PALB2: variants seen among roughly 807,000 people sequenced by gnomAD.
The protein encoded by PALB2 is partner and localizer of BRCA2.
In PALB2, 82 loss-of-function variants were observed where a neutral mutation model predicts 107.4. That is an observed-to-expected ratio of 0.76 (90% CI 0.64 to 0.92). PALB2 has a LOEUF of 0.92. Among genes scored for constraint, PALB2 ranks in the 40% least tolerant of loss-of-function variants. PALB2 has a pLI of 0.00. For synonymous variants in PALB2, 489 were observed against 496.8 expected, an observed-to-expected ratio of 0.98 and a Z score of 0.21; for missense variants, 1,374 against 1,379.9, an observed-to-expected ratio of 1.00 and a Z score of 0.07.
intron 11 of PALB2, among the ~76,000 whole-genome samples, chr16:23,613,395 G>A (rs932031646): frequency 6.6e-6 from 1 of 152,098 alleles, no homozygotes; most frequent in African/African-American, 2.4e-5. Context: ...TGTAATACCA[G>A]CACTTTGGGA....
rs763645981 is a variant in PALB2 at position 23,624,093 on chromosome 16, A to G, written c.2750T>C (p.Val917Ala). Residue 917 changes from valine to alanine, a missense_variant and splice_region_variant, in exon 8 of 13, where the codon GTT becomes GCT. Physicochemically the swap from Val to Ala is moderately conservative, Grantham distance 64. Coordinates refer to ENST00000261584, the MANE Select transcript of PALB2 (RefSeq NM_024675.4). ...EKLYTWHFAE[V>A]PVLQIVPVPD... Reference sequence around the variant, plus strand: ...CACTGGAACTATCTGTAATACTGGAACCTAAATAAAACAAAGCAGCCAAAA... The same window carrying G: ...CACTGGAACTATCTGTAATACTGGAGCCTAAATAAAACAAAGCAGCCAAAA... 1.5e-5 allele frequency: 24 copies of G among 1,601,978 alleles called. No homozygotes were observed. Among genetic ancestry groups the G allele is most frequent in the Non-Finnish European group, 1.9e-5 (22 of 1,169,432 alleles).
intron 11 of PALB2, among the ~76,000 whole-genome samples, chr16:23,609,833 G>T (rs979601783): frequency 6.6e-6 from 1 of 151,898 alleles, no homozygotes; most frequent in African/African-American, 2.4e-5. Flanking sequence ...ACTTTTTTTG[G>T]GGGGATAGGG....
rs587781319 is a variant in PALB2, at chr16:23,635,356, G to A, written c.1190C>T (p.Thr397Ile). Reference sequence around the variant, plus strand: ...AGGAAACAGAAGGCCTTCAGGCACTGTGCAAGAATGTTTTTCTGCAGAAAG... The same window carrying A: ...AGGAAACAGAAGGCCTTCAGGCACTATGCAAGAATGTTTTTCTGCAGAAAG... The part of the protein sequence containing the change: ...SPLSAEKHSC[T>I]VPEGLLFPAE... Residue 397 changes from threonine to isoleucine, a missense_variant, in exon 4 of 13, where the codon ACA becomes ATA. Coordinates refer to ENST00000261584, the MANE Select transcript of PALB2 (RefSeq NM_024675.4). 1 of 1,613,980 alleles carries A rather than the reference G, an allele frequency of 6.2e-7. No homozygotes were observed. The highest frequency in any genetic ancestry group is 8.5e-7 in the Non-Finnish European group (1 of 1,180,032).
rs876659598 is a variant in PALB2 at position 23,630,042 on chromosome 16, A to C, written c.2112T>G (p.Leu704=). Residue 704 remains leucine (L), a synonymous_variant, in exon 5 of 13, where the codon CTT becomes CTG. Transcript: ENST00000261584. The part of the protein sequence containing the change: ...TKTGLSSSIL[L]YTPLNTVAPD... The stretch of plus-strand genomic sequence containing the variant: ...GCGCAACCGTATTTAAAGGAGTATA[A>C]AGTAATATGGATGAAGAAAGGCCCG... 1.2e-6 allele frequency: 2 copies of C among 1,614,080 alleles called. No individual in the cohort carries two copies. Among genetic ancestry groups the C allele is most frequent in the South Asian group, 2.2e-5 (2 of 91,074 alleles).
intron 12 of PALB2, among the ~76,000 whole-genome samples, chr16:23,606,839 T>TTTTTTTTTTA (rs1597065493): frequency 6.9e-6 from 1 of 145,510 alleles, no homozygotes; most frequent in Admixed American, 6.9e-5. Context: ...TTTTTTTTTT[T>TTTTTTTTTTA]GAGACGGAGT....
chr16:23,621,585 G>GA (rs200037631), intron 9 of PALB2, 107 bp from the exon 10 acceptor site: 19,844 of 698,068 alleles, frequency 0.028, 334 homozygotes, highest in Middle Eastern at 0.07. Context: ...CTAATATCAG[G>GA]AAAAAAAAAT....
At position 23,630,425 on chromosome 16, in the gene PALB2, T is replaced by C. The variant is rs1567218928; in HGVS notation, c.1729A>G (p.Asn577Asp). 3 of 1,613,946 alleles carry C rather than the reference T, an allele frequency of 1.9e-6. No homozygotes were observed. Among genetic ancestry groups the C allele is most frequent in the South Asian group, 1.1e-5 (1 of 91,056 alleles). The part of the protein sequence containing the change: ...HQKEDSLSWS[N>D]SAYLSLDDDA... ...TCATCCAAGGATAAATAAGCACTAT[T>C]ACTCCAAGAAAGGGAATCCTCTTTT... Residue 577 changes from asparagine (N) to aspartate (D), a missense_variant, in exon 5 of 13, where the codon AAT becomes GAT. By Grantham distance (23) the Asn-to-Asp change is conservative. Transcript: ENST00000261584.
intron 9 of PALB2, among the ~76,000 whole-genome samples, chr16:23,622,550 C>T (rs1374127090): frequency 6.6e-6 from 1 of 152,056 alleles, no homozygotes; most frequent in African/African-American, 2.4e-5. Flanking sequence ...CATGCTCTGC[C>T]ACACCCAGCT....
chr16:23,622,157 T>C (rs1966783789), intron 9 of PALB2, among the ~76,000 whole-genome samples: 1 of 152,100 alleles, frequency 6.6e-6, no homozygotes, highest in Admixed American at 6.6e-5. Flanking sequence ...GTAATGAGTA[T>C]ATAATAGAGA....
intron 3 of PALB2, among the ~76,000 whole-genome samples, chr16:23,636,949 AT>A (rs906148794): frequency 2.0e-5 from 3 of 152,150 alleles, no homozygotes; most frequent in Non-Finnish European, 2.9e-5. Context: ...ATATACTTAC[AT>A]TTTTAAAAAA....
chr16:23,630,729 C>T (rs1295655635), intron 4 of PALB2, among the ~76,000 whole-genome samples: 1 of 152,132 alleles, frequency 6.6e-6, no homozygotes, highest in Non-Finnish European at 1.5e-5. Context: ...TTTTCCCATC[C>T]ATGACTCAGA....
intron 11 of PALB2, among the ~76,000 whole-genome samples, chr16:23,609,826 T>C (rs535553721): frequency 6.6e-6 from 1 of 152,078 alleles, no homozygotes; most frequent in Non-Finnish European, 1.5e-5. Flanking sequence ...ACCCAACACT[T>C]TTTTTGGGGG....
chr16:23,617,431 C>T (rs937106018), intron 10 of PALB2, among the ~76,000 whole-genome samples: 1 of 151,792 alleles, frequency 6.6e-6, no homozygotes, highest in African/African-American at 2.4e-5. Flanking sequence ...AATTAAAAAT[C>T]AAGGCAGGCC....
At chr16:23,633,985 AG>A (rs1177897815) in intron 4 of PALB2, among the ~76,000 whole-genome samples, 2 of 152,168 alleles carry the variant, frequency 1.3e-5, no homozygotes, top group African/African-American at 4.8e-5. Context: ...CTGGGATTAC[AG>A]GGGTGAGCCA....
rs1395851754 is a variant in PALB2 at position 23,641,279 on chromosome 16, C to T, written c.-122G>A. The T allele has an allele frequency of 7.7e-6, 10 of 1,295,084 alleles. No homozygotes were observed. Among genetic ancestry groups the T allele is most frequent in the Non-Finnish European group, 3.2e-6 (3 of 923,422 alleles). The allele number at this position is 1,295,084 out of a possible 1,614,324, so 80.2% of individuals were successfully genotyped here. A position where few individuals can be genotyped will look rare whatever the true frequency, so the allele number is the denominator to read the frequency against. ...AGGAATGGGGAGCCCGGGATCGCAC[C>T]CTCAGTGCGCGATCAGCTGACCCAC... On this transcript the variant is annotated 5_prime_UTR_variant, in exon 1 of 13. Transcript: ENST00000261584.
rs1966855944 is a variant in PALB2 at position 23,629,684 on chromosome 16, A to G, written c.2470T>C (p.Cys824Arg). 1 of 1,614,252 alleles carries G rather than the reference A, an allele frequency of 6.2e-7. No homozygotes were observed. Among genetic ancestry groups the G allele is most frequent in the Non-Finnish European group, 8.5e-7 (1 of 1,180,054 alleles). The change falls in exon 5 of 13, where the codon TGT becomes CGT. Residue 824 changes from cysteine to arginine, a missense_variant. Coordinates refer to ENST00000261584, the MANE Select transcript of PALB2 (RefSeq NM_024675.4). ...ESFTFKENQL[C>R]RNTCQELHKH... ...TGCAGCTCCTGGCATGTGTTTCTAC[A>G]GAGCTGATTTTCTTTAAAAGTGAAT...
At chr16:23,624,128 G>C (rs1010357807) in intron 7 of PALB2, 34 bp from the exon 8 acceptor site, 5 of 1,465,636 alleles carry the variant, frequency 3.4e-6, no homozygotes, top group Non-Finnish European at 4.8e-6. Context: ...AATTATGCTT[G>C]GTTGTTTCAT....
Position 23,629,828 on chromosome 16 carries a change from A to AT in PALB2, c.2325dup (p.Phe776IlefsTer26), listed in dbSNP as rs876659997. On this transcript the variant is annotated frameshift_variant, in exon 5 of 13. Coordinates refer to ENST00000261584, the MANE Select transcript of PALB2 (RefSeq NM_024675.4). LOFTEE classifies it high-confidence loss of function. Reference sequence around the variant, plus strand: ...TTTGCTGGGCTGCCTGAACTGTCGAATTGTTTAGTATCACTGGCAAGACAG... The same window carrying AT: ...TTTGCTGGGCTGCCTGAACTGTCGAATTTGTTTAGTATCACTGGCAAGACAG... 26 of 1,614,172 alleles carry AT rather than the reference A, an allele frequency of 1.6e-5. No individual in the cohort carries two copies. The highest frequency in any genetic ancestry group is 2.2e-5 in the Non-Finnish European group (26 of 1,180,028).
At chr16:23,613,198 A>G (rs569656593) in intron 11 of PALB2, among the ~76,000 whole-genome samples, 2 of 152,312 alleles carry the variant, frequency 1.3e-5, no homozygotes, top group South Asian at 4.1e-4. Context: ...TTTGAAATAT[A>G]TAGCACATTG....
Sources: allele counts gnomAD v4.1 joint callset (sites outside exome capture counted in the v4.1 genomes callset), GRCh38; gene constraint gnomAD v4.1.1; transcripts MANE v1.5; gene names NCBI Gene and HGNC (gene_info 2026-07-23, HGNC 2026-07-21).